Variants in SAMMSON observed in about 807,000 individuals in gnomAD.
SAMMSON encodes survival associated mitochondrial melanoma specific oncogenic non-coding RNA.
At chr3:70,108,420 T>C (rs1245564806) in intron 4 of SAMMSON, among the ~76,000 whole-genome samples, 1 of 139,516 alleles carries the variant, frequency 7.2e-6, no homozygotes, top group African/African-American at 2.8e-5. Context: ...ACTCTTGCGG[T>C]TCCTTTTTTT....
At chr3:70,225,654 ACT>A (rs1209446493) in intron 4 of SAMMSON, among the ~76,000 whole-genome samples, 2 of 152,266 alleles carry the variant, frequency 1.3e-5, no homozygotes, top group African/African-American at 4.8e-5. Flanking sequence ...CACAAGAAAC[ACT>A]GTTTCCCTTC....
At chr3:70,082,690 A>T (rs1208080178) in intron 4 of SAMMSON, among the ~76,000 whole-genome samples, 1 of 152,232 alleles carries the variant, frequency 6.6e-6, no homozygotes, top group Non-Finnish European at 1.5e-5. Flanking sequence ...TGAGCTGTGC[A>T]TTCTTGGGTA....
chr3:70,289,917 C>T (rs1427977729), intron 6 of SAMMSON, among the ~76,000 whole-genome samples: 2 of 151,982 alleles, frequency 1.3e-5, no homozygotes, highest in African/African-American at 4.8e-5. Flanking sequence ...CCATCAGCTC[C>T]TTTAAGCACT....
At chr3:70,332,088 C>T (rs1365037402) in intron 7 of SAMMSON, among the ~76,000 whole-genome samples, 1 of 152,196 alleles carries the variant, frequency 6.6e-6, no homozygotes, top group Non-Finnish European at 1.5e-5. Context: ...CTTTCTCTTT[C>T]ATTGCACAAA....
At chr3:70,042,815 T>C (rs2067110846) in intron 3 of SAMMSON, among the ~76,000 whole-genome samples, 1 of 152,090 alleles carries the variant, frequency 6.6e-6, no homozygotes, top group South Asian at 2.1e-4. Context: ...GAAAGGTTAA[T>C]TCAGAAAGGA....
At chr3:70,314,223 A>G (rs113735014) in intron 7 of SAMMSON, among the ~76,000 whole-genome samples, 14 of 152,168 alleles carry the variant, frequency 9.2e-5, no homozygotes, top group African/African-American at 2.9e-4. Flanking sequence ...TATTTTATGC[A>G]TCTGTCTCAG....
intron 1 of SAMMSON, among the ~76,000 whole-genome samples, chr3:70,011,312 G>C (rs1287541832): frequency 1.3e-5 from 2 of 151,986 alleles, no homozygotes; most frequent in Non-Finnish European, 2.9e-5. Flanking sequence ...ATTTTCCTTA[G>C]TTCTCCCTTA....
intron 6 of SAMMSON, chr3:70,271,752 C>A (rs1310683958): frequency 6.6e-6 from 1 of 152,126 alleles, no homozygotes; most frequent in Non-Finnish European, 1.5e-5. Flanking sequence ...TGCTATGGCT[C>A]ACACTTATTT....
Position 70,134,583 on chromosome 3 carries a change from T to C in SAMMSON, n.507+63018T>C, listed in dbSNP as rs2067498520. Among the ~76,000 whole-genome samples the C allele has an allele frequency of 2.0e-5, 3 of 152,116 alleles. No homozygotes were observed. The South Asian group carries it at 6.2e-4, about 32-fold the overall frequency. On this transcript the variant is annotated intron_variant and non_coding_transcript_variant, in intron 4 of 9. Transcript: ENST00000642114. ...TTGCATGCTTTACATAGAAGCATAG[T>C]TATATTTAGCTTAAGACACAACTAA...
chr3:70,249,594 G>T (rs894415058), exon 6 of SAMMSON: 1 of 151,686 alleles, frequency 6.6e-6, no homozygotes, highest in Non-Finnish European at 1.5e-5. Context: ...ATCATTGCAG[G>T]TGCCCCTGCT....
At chr3:70,030,732 C>T (rs1290675943) in intron 3 of SAMMSON, 2 of 152,170 alleles carry the variant, frequency 1.3e-5, no homozygotes, top group African/African-American at 2.4e-5. Flanking sequence ...GGGCAAAGGA[C>T]GTGAATAGAC....
intron 4 of SAMMSON, among the ~76,000 whole-genome samples, chr3:70,212,047 C>A (rs1701356913): frequency 6.6e-6 from 1 of 151,924 alleles, no homozygotes; most frequent in African/African-American, 2.4e-5. Flanking sequence ...TTCTTCCTAC[C>A]CTGCCCTTGA....
chr3:70,281,375 G>A (rs1190236911), intron 6 of SAMMSON, among the ~76,000 whole-genome samples: 1 of 152,054 alleles, frequency 6.6e-6, no homozygotes, highest in Non-Finnish European at 1.5e-5. Flanking sequence ...TCTGTCTAAT[G>A]GGTACGATCA....
chr3:70,191,278 C>A (rs755649440), intron 4 of SAMMSON, among the ~76,000 whole-genome samples: 2 of 152,076 alleles, frequency 1.3e-5, no homozygotes, highest in Non-Finnish European at 2.9e-5. Flanking sequence ...GTTAGCATGA[C>A]CTTGGATTCT....
chr3:70,002,476 GA>G (rs2066909971), intron 1 of SAMMSON, among the ~76,000 whole-genome samples: 1 of 152,022 alleles, frequency 6.6e-6, no homozygotes, highest in Non-Finnish European at 1.5e-5. Flanking sequence ...AAAACACAAA[GA>G]AAAGCCAGCC....
chr3:70,359,373 G>C (rs1702854278), intron 9 of SAMMSON, among the ~76,000 whole-genome samples: 1 of 152,086 alleles, frequency 6.6e-6, no homozygotes, highest in Non-Finnish European at 1.5e-5. Flanking sequence ...GTTTTGAATG[G>C]ATCAAAGAAA....
intron 7 of SAMMSON, among the ~76,000 whole-genome samples, chr3:70,311,340 G>A (rs1306862514): frequency 1.3e-5 from 2 of 152,124 alleles, no homozygotes; most frequent in South Asian, 2.1e-4. Context: ...TCAAAAGTGC[G>A]CAAATCTGTA....
intron 3 of SAMMSON, among the ~76,000 whole-genome samples, chr3:70,017,356 A>T (rs1220069945): frequency 2.6e-5 from 4 of 152,026 alleles, no homozygotes; most frequent in African/African-American, 9.7e-5. Flanking sequence ...GCAATTGTGA[A>T]TGGGAGTTCA....
intron 7 of SAMMSON, among the ~76,000 whole-genome samples, chr3:70,319,678 A>T (rs1702522563): frequency 6.6e-6 from 1 of 152,086 alleles, no homozygotes; most frequent in South Asian, 2.1e-4. Context: ...AAGACTTGAG[A>T]TTCCATTTAA....
Sources: gnomAD v4.1 joint callset for allele counts (sites outside exome capture counted in the v4.1 genomes callset) on GRCh38, gnomAD v4.1.1 for gene constraint, MANE v1.5 for transcripts, NCBI Gene and HGNC (gene_info 2026-07-23, HGNC 2026-07-21) for gene names.